Variants in FNTA observed in about 807,000 individuals in gnomAD.
FNTA encodes farnesyltransferase, CAAX box, subunit alpha.
In FNTA, 27 loss-of-function variants were observed where a neutral mutation model predicts 55.2. That is an observed-to-expected ratio of 0.49 (90% CI 0.36 to 0.67). FNTA has a LOEUF of 0.67. Among genes scored for constraint, FNTA ranks in the 30% least tolerant of loss-of-function variants. The pLI is 0.00. For synonymous variants in FNTA, 176 were observed against 170.7 expected (o/e 1.03, Z -0.24); for missense variants, 422 against 464.7 (o/e 0.91, Z 0.85).
At chr8:43,075,879 CTTTTTTTT>C (rs111515423) in intron 5 of FNTA, among the ~76,000 whole-genome samples, 1 of 142,950 alleles carries the variant, frequency 7.0e-6, no homozygotes, top group African/African-American at 2.6e-5. Flanking sequence ...TTTTCTTTTT[CTTTTTTTT>C]TTTTGGGACA....
chr8:43,075,107 A>G (rs1348011645), intron 5 of FNTA, among the ~76,000 whole-genome samples: 1 of 152,204 alleles, frequency 6.6e-6, no homozygotes, highest in Non-Finnish European at 1.5e-5. Flanking sequence ...ATATGTATAG[A>G]AAACACTACT....
chr8:43,077,416 A>C, intron 6 of FNTA, 52 bp downstream of exon 6: 2 of 1,466,414 alleles, frequency 1.4e-6, no homozygotes, highest in Admixed American at 1.8e-5. Flanking sequence ...TTGCATGCCT[A>C]CCATATCTCA....
chr8:43,058,667 C>T (rs1228123670), intron 1 of FNTA, among the ~76,000 whole-genome samples: 1 of 152,064 alleles, frequency 6.6e-6, no homozygotes, highest in Admixed American at 6.6e-5. Context: ...GTCCCAGCTA[C>T]TCGGGAGGCT....
At chr8:43,057,162 A>G (rs978563514) in intron 1 of FNTA, 1 of 152,132 alleles carries the variant, frequency 6.6e-6, no homozygotes, top group African/African-American at 2.4e-5. Flanking sequence ...TGTACTGGGG[A>G]CTGCGGTAAC....
intron 1 of FNTA, among the ~76,000 whole-genome samples, chr8:43,057,975 TGAAAG>T (rs1273951298): frequency 7.0e-6 from 1 of 142,476 alleles, no homozygotes; most frequent in Non-Finnish European, 1.5e-5. Context: ...AAAAAAAAAG[TGAAAG>T]GAAAAGAATA....
chr8:43,072,173 G>T lies in FNTA; in HGVS notation c.507-8G>T. 2 of 1,493,636 alleles carry T rather than the reference G, an allele frequency of 1.3e-6. No individual in the cohort carries two copies. 92.5% of individuals were successfully genotyped at this position (1,493,636 alleles called of 1,614,324 possible). A position where few individuals can be genotyped will look rare whatever the true frequency, so the allele number is the denominator to read the frequency against. On this transcript the variant is annotated splice_polypyrimidine_tract_variant and splice_region_variant and intron_variant, in intron 4 of 8. Transcript: ENST00000302279. ...ACAAAAAACTTCTCTCCCTTCTTTG[G>T]GCTTTAGGCATCATAGGCGAGTATT...
At chr8:43,073,070 G>GTTCTAGTA (rs1330795219) in intron 5 of FNTA, among the ~76,000 whole-genome samples, 1 of 152,038 alleles carries the variant, frequency 6.6e-6, no homozygotes, top group East Asian at 1.9e-4. Context: ...ATTTTAAACA[G>GTTCTAGTA]TTCTAGTATT....
At chr8:43,077,193 A>G (rs1252008787) in intron 5 of FNTA, 23 bp from the exon 6 acceptor site, 3 of 1,520,344 alleles carry the variant, frequency 2.0e-6, no homozygotes, top group Non-Finnish European at 2.7e-6. Flanking sequence ...TAATTGGATG[A>G]TTTTTCTAAA....
At chr8:43,074,722 C>T (rs1270990510) in intron 5 of FNTA, among the ~76,000 whole-genome samples, 2 of 151,934 alleles carry the variant, frequency 1.3e-5, no homozygotes, top group African/African-American at 2.4e-5. Context: ...AAATTATAGA[C>T]GTAGAGAACA....
chr8:43,060,221 T>C (rs1307178779), intron 2 of FNTA, among the ~76,000 whole-genome samples: 1 of 152,170 alleles, frequency 6.6e-6, no homozygotes, highest in East Asian at 1.9e-4. Context: ...ATTCACAAAA[T>C]AGAAATATCT....
chr8:43,068,013 C>T (rs1472973373), intron 3 of FNTA, among the ~76,000 whole-genome samples: 1 of 152,216 alleles, frequency 6.6e-6, no homozygotes, highest in East Asian at 1.9e-4. Flanking sequence ...AAGTCTCCTG[C>T]CTCAGTCTCC....
chr8:43,065,216 C>G (rs1451975687), intron 3 of FNTA, among the ~76,000 whole-genome samples: 1 of 151,832 alleles, frequency 6.6e-6, no homozygotes, highest in Admixed American at 6.6e-5. Context: ...AATGAGCACT[C>G]AATTTATGTT....
rs368459511 is a variant in FNTA, at chr8:43,085,110, C to G, written c.1018-50C>G. On this transcript the variant is annotated intron_variant, in intron 8 of 8. Transcript: ENST00000302279. ...AATTGTATTGGCTCAAAGGCATTTGCGCTTGAAATTGAATTACATATTACT... is the reference window on the plus strand; with the variant it reads ...AATTGTATTGGCTCAAAGGCATTTGGGCTTGAAATTGAATTACATATTACT... The G allele has an allele frequency of 2.1e-6, 3 of 1,427,220 alleles. No individual in the cohort carries two copies. In the African/African-American group the frequency reaches 4.3e-5, roughly 21 times the overall value. The allele number at this position is 1,427,220 out of a possible 1,614,324, so 88.4% of individuals were successfully genotyped here.
intron 5 of FNTA, among the ~76,000 whole-genome samples, chr8:43,074,653 G>A (rs1359323888): frequency 6.6e-6 from 1 of 152,204 alleles, no homozygotes; most frequent in African/African-American, 2.4e-5. Context: ...CTTAGTGGAA[G>A]GGGAAGTCTC....
At chr8:43,065,330 C>T (rs1258983077) in intron 3 of FNTA, among the ~76,000 whole-genome samples, 1 of 151,916 alleles carries the variant, frequency 6.6e-6, no homozygotes, top group Non-Finnish European at 1.5e-5. Flanking sequence ...TTACTGCAGC[C>T]TCTGCCTACC....
chr8:43,075,501 TAA>T (rs1389474899), intron 5 of FNTA, among the ~76,000 whole-genome samples: 2 of 152,108 alleles, frequency 1.3e-5, no homozygotes, highest in African/African-American at 2.4e-5. Context: ...TTTTTTTTAT[TAA>T]GAGAGCTTTA....
intron 3 of FNTA, among the ~76,000 whole-genome samples, chr8:43,064,507 G>T (rs1454065215): frequency 1.3e-5 from 2 of 151,920 alleles, no homozygotes; most frequent in Non-Finnish European, 2.9e-5. Flanking sequence ...TAGAGACAGG[G>T]TTTCACCATG....
At chr8:43,065,238 A>G (rs546992024) in intron 3 of FNTA, among the ~76,000 whole-genome samples, 3 of 147,286 alleles carry the variant, frequency 2.0e-5, no homozygotes, top group Admixed American at 6.8e-5. Context: ...ATGCTGACAC[A>G]CTTTTTTTTT....
chr8:43,082,710 C>T (rs972812777), intron 6 of FNTA: 1 of 154,468 alleles, frequency 6.5e-6, no homozygotes, highest in Non-Finnish European at 1.4e-5. Flanking sequence ...GAAACGCTGA[C>T]ACAAGTGAAA....
Sources: allele counts gnomAD v4.1 joint callset (sites outside exome capture counted in the v4.1 genomes callset), GRCh38; gene constraint gnomAD v4.1.1; transcripts MANE v1.5; gene names NCBI Gene and HGNC (gene_info 2026-07-23, HGNC 2026-07-21).